Variants in SLAIN1 observed in about 807,000 individuals in gnomAD.
SLAIN1 encodes the protein SLAIN family member 1.
A neutral mutation model predicts 55.4 loss-of-function variants in SLAIN1; 17 were observed. That is an observed-to-expected ratio of 0.31 (90% CI 0.21 to 0.46). The LOEUF (loss-of-function observed/expected upper bound fraction) is 0.46. Ranked by LOEUF, SLAIN1 falls within the 20% of genes least tolerant of loss-of-function variation. The pLI, the probability that SLAIN1 is intolerant of heterozygous loss-of-function variation, is 1.00. For missense variants in SLAIN1, 682 were observed against 785.1 expected, an observed-to-expected ratio of 0.87 and a Z score of 1.57; for synonymous variants, 348 against 337.4, an observed-to-expected ratio of 1.03 and a Z score of -0.35.
chr13:77,748,674 C>T (rs12184857), intron 4 of SLAIN1, among the ~76,000 whole-genome samples: 4,441 of 152,042 alleles, frequency 0.029, 232 homozygotes, highest in African/African-American at 0.1. Context: ...TTTATTTTGC[C>T]TAAAATGTCT....
chr13:77,698,496 C>A lies in SLAIN1; in HGVS notation c.583C>A (p.Leu195Met). Reference protein sequence around the residue: ...TLLDEVELLDLESVAAWRDED... With the variant: ...TLLDEVELLDMESVAAWRDED... ...GCTGGACGAGGTGGAATTGCTGGAT[C>A]TGGAGAGCGTAGCCGCCTGGCGGGA... The change falls in exon 1 of 7, where the codon CTG (leucine) becomes ATG (methionine). Residue 195 changes from leucine to methionine, a missense_variant. Transcript: ENST00000418532. The surrounding 1 kb of genome is among the most constrained non-coding windows in gnomAD (Gnocchi z 4.1). The A allele has an allele frequency of 6.8e-7, 1 of 1,460,988 alleles. No homozygotes were observed. Among genetic ancestry groups the A allele is most frequent in the Non-Finnish European group, 9.0e-7 (1 of 1,112,538 alleles). The allele number at this position is 1,460,988 out of a possible 1,614,324, so 90.5% of individuals were successfully genotyped here.
At chr13:77,738,196 C>CCA (rs1184701501) in intron 2 of SLAIN1, among the ~76,000 whole-genome samples, 122 of 147,100 alleles carry the variant, frequency 8.3e-4, no homozygotes, top group East Asian at 2.6e-3. Flanking sequence ...ACACACACAC[C>CCA]CACACACACA....
chr13:77,720,851 G>A (rs1467819608), intron 2 of SLAIN1, among the ~76,000 whole-genome samples: 1 of 152,198 alleles, frequency 6.6e-6, no homozygotes, highest in Non-Finnish European at 1.5e-5. Context: ...ATGAAAGAAT[G>A]TATTTTATTA....
chr13:77,755,907 G>A (rs537159008), intron 5 of SLAIN1, among the ~76,000 whole-genome samples: 26 of 152,180 alleles, frequency 1.7e-4, no homozygotes, highest in South Asian at 4.1e-4. Flanking sequence ...CTAAGCCACT[G>A]TTCTTTATGC....
chr13:77,712,794 A>G (rs2091166072), intron 1 of SLAIN1, among the ~76,000 whole-genome samples: 1 of 152,196 alleles, frequency 6.6e-6, no homozygotes, highest in Admixed American at 6.5e-5. Flanking sequence ...GTATCATGCT[A>G]CCTGATTTCA....
chr13:77,716,330 C>CG (rs1230151944), intron 1 of SLAIN1, among the ~76,000 whole-genome samples: 1 of 15,268 alleles, frequency 6.5e-5, no homozygotes, highest in South Asian at 6.3e-3. Flanking sequence ...TATAGCTCTC[C>CG]ATTTTTTTTT....
rs963045794 is a variant in SLAIN1 at position 77,763,693 on chromosome 13, C to G, written c.*473C>G. 1.3e-5 allele frequency: 2 copies of G among 153,336 alleles called. No homozygotes were observed. Among genetic ancestry groups the G allele is most frequent in the African/African-American group, 4.8e-5 (2 of 41,328 alleles). The allele number at this position is 153,336 out of a possible 1,614,324, so 9.5% of individuals were successfully genotyped here. On this transcript the variant is annotated 3_prime_UTR_variant, in exon 7 of 7. Coordinates refer to ENST00000418532, the MANE Select transcript of SLAIN1 (RefSeq NM_001242868.2). ...TTTACAGGAATTTTATTTTTTGTGC[C>G]TATTTCTTTTTACACCTATGTGAAC...
chr13:77,742,938 C>A, intron 2 of SLAIN1: 92 of 599,802 alleles, frequency 1.5e-4, no homozygotes, highest in Non-Finnish European at 1.7e-4. Flanking sequence ...TTTTTTTATT[C>A]TCTTCCCTTT....
chr13:77,720,519 G>A (rs1290952164), intron 2 of SLAIN1, among the ~76,000 whole-genome samples: 1 of 152,160 alleles, frequency 6.6e-6, no homozygotes, highest in East Asian at 1.9e-4. Context: ...GCTCTTTGAG[G>A]ATAATGAATA....
rs773598799 is a variant in SLAIN1 at position 77,719,592 on chromosome 13, G to T, written c.687G>T (p.Gln229His). 1 of 1,613,370 alleles carries T rather than the reference G, an allele frequency of 6.2e-7. No individual in the cohort carries two copies. Among genetic ancestry groups the T allele is most frequent in the African/African-American group, 1.3e-5 (1 of 74,864 alleles). The change falls in exon 2 of 7, where the codon CAG becomes CAT. Residue 229 changes from glutamine (Q) to histidine (H), a missense_variant. Transcript: ENST00000418532. ...TSSEKSLTPL[Q>H]WCRHVLDNPT... Reference sequence around the variant, plus strand: ...CAGAGAAATCCCTGACTCCTTTGCAGTGGTGTAGACATGTCCTAGATAACC... The same window carrying T: ...CAGAGAAATCCCTGACTCCTTTGCATTGGTGTAGACATGTCCTAGATAACC...
intron 2 of SLAIN1, among the ~76,000 whole-genome samples, chr13:77,723,588 T>C (rs2091281226): frequency 6.6e-6 from 1 of 152,174 alleles, no homozygotes; most frequent in South Asian, 2.1e-4. Context: ...AAGGCATTAT[T>C]CCATTATATT....
intron 4 of SLAIN1, among the ~76,000 whole-genome samples, chr13:77,749,390 A>G (rs937678140): frequency 5.3e-5 from 8 of 152,154 alleles, no homozygotes; most frequent in African/African-American, 7.2e-5. Flanking sequence ...TTATAATTCT[A>G]CGGTATGGCA....
intron 2 of SLAIN1, among the ~76,000 whole-genome samples, chr13:77,722,446 C>T (rs2091270809): frequency 6.6e-6 from 1 of 152,132 alleles, no homozygotes; most frequent in Non-Finnish European, 1.5e-5. Flanking sequence ...GCCCCAATCT[C>T]TCATGCCCTT....
intron 2 of SLAIN1, among the ~76,000 whole-genome samples, chr13:77,720,703 A>G (rs1195031377): frequency 1.3e-5 from 2 of 152,190 alleles, no homozygotes; most frequent in Non-Finnish European, 2.9e-5. Context: ...ACAAGGCAGA[A>G]TGATACTCAG....
intron 2 of SLAIN1, among the ~76,000 whole-genome samples, chr13:77,729,211 T>C (rs1324713709): frequency 2.0e-5 from 3 of 152,208 alleles, no homozygotes; most frequent in Non-Finnish European, 4.4e-5. Context: ...CAACCTGATA[T>C]GTGTTTGCCA....
rs534032274 is a variant in SLAIN1 at position 77,698,602 on chromosome 13, C to T, written c.626+63C>T. The T allele has an allele frequency of 1.0e-3, 1,367 of 1,335,562 alleles. 10 individuals carry two copies. In the African/African-American group the frequency reaches 0.019, roughly 18 times the overall value. The allele number at this position is 1,335,562 out of a possible 1,614,324, so 82.7% of individuals were successfully genotyped here. A position where few individuals can be genotyped will look rare whatever the true frequency, so the allele number is the denominator to read the frequency against. ...CTCGGGGGCTTCGGGCACCGGGGAG[C>T]GGGGGCGGGGGGCGGACGGGGGTCC... On this transcript the variant is annotated intron_variant, in intron 1 of 6. Coordinates refer to ENST00000418532, the MANE Select transcript of SLAIN1 (RefSeq NM_001242868.2). This position sits in a 1 kb window ranked among gnomAD's most constrained non-coding sequence, Gnocchi z 4.1.
intron 2 of SLAIN1, among the ~76,000 whole-genome samples, chr13:77,721,045 A>G (rs1297141844): frequency 1.3e-5 from 2 of 152,136 alleles, no homozygotes; most frequent in Admixed American, 6.6e-5. Flanking sequence ...AAGAAAACTG[A>G]TACGGTTTGG....
At chr13:77,763,045 T>C in intron 6 of SLAIN1, 100 bp from the exon 7 acceptor site, 1 of 964,918 alleles carries the variant, frequency 1.0e-6, no homozygotes, top group South Asian at 1.5e-5. Flanking sequence ...TTCTCATTAC[T>C]GCAGTGGAAG....
rs1476859626 is a variant in SLAIN1, at chr13:77,698,130, G to T, written c.217G>T (p.Ala73Ser). ...PPPPPAAPPP[A>S]GLQPLGPRSP... ...GCCGCCGCCCGCCGCGCCGCCCCCC[G>T]CTGGCCTGCAGCCTTTGGGTCCTCG... The change falls in exon 1 of 7, where the codon GCT (alanine) becomes TCT (serine). Residue 73 changes from alanine (A) to serine (S), a missense_variant. Around this residue, in one of 3 missense-constraint regions of SLAIN1, gnomAD observed 401 missense variants for 417.3 expected, o/e 0.96. Transcript: ENST00000418532. The surrounding 1 kb of genome is among the most constrained non-coding windows in gnomAD (Gnocchi z 4.1). The T allele has an allele frequency of 6.5e-4, 480 of 743,852 alleles. 6 individuals carry two copies. In the African/African-American group the frequency reaches 0.028, roughly 43 times the overall value. 46.1% of individuals were successfully genotyped at this position (743,852 alleles called of 1,614,324 possible).
Sources: allele counts gnomAD v4.1 joint callset (sites outside exome capture counted in the v4.1 genomes callset), GRCh38; gene constraint gnomAD v4.1.1; regional missense constraint gnomAD v4.1.1; non-coding constraint Gnocchi (gnomAD v3.1); transcripts MANE v1.5; gene names NCBI Gene and HGNC (gene_info 2026-07-23, HGNC 2026-07-21).